Variants in USP6NL observed in about 807,000 individuals in gnomAD.
USP6NL encodes USP6 N-terminal like.
In USP6NL, 26 loss-of-function variants were observed where a neutral mutation model predicts 61.9. That is an observed-to-expected ratio of 0.42 (90% CI 0.31 to 0.58). USP6NL has a LOEUF of 0.58. Ranked by LOEUF, USP6NL falls within the 20% of genes least tolerant of loss-of-function variation. The probability of loss-of-function intolerance (pLI) is 0.16; values close to 1 mark genes in which losing one functional copy is unlikely to be tolerated. For synonymous variants in USP6NL, 432 were observed against 390.1 expected, an observed-to-expected ratio of 1.11 and a Z score of -1.27; for missense variants, 1,114 against 1,034.3, an observed-to-expected ratio of 1.08 and a Z score of -1.06.
intron 13 of USP6NL, among the ~76,000 whole-genome samples, chr10:11,483,181 C>T (rs1014775531): frequency 1.2e-4 from 18 of 152,100 alleles, no homozygotes; most frequent in African/African-American, 3.6e-4. Context: ...CGGAACTTCA[C>T]GTAAGTCTCT....
intron 5 of USP6NL, among the ~76,000 whole-genome samples, chr10:11,515,324 G>C (rs1300280498): frequency 6.6e-6 from 1 of 152,238 alleles, no homozygotes; most frequent in Non-Finnish European, 1.5e-5. Flanking sequence ...GCCTTCTCTT[G>C]TAGAATAAGA....
rs1836971434 is a variant in USP6NL at position 11,562,298 on chromosome 10, C to G, written c.5-34731G>C. 1 of 819,636 alleles carries G rather than the reference C, an allele frequency of 1.2e-6. No homozygotes were observed. Among genetic ancestry groups the G allele is most frequent in the Non-Finnish European group, 1.5e-6 (1 of 678,014 alleles). The allele number at this position is 819,636 out of a possible 1,614,324, so 50.8% of individuals were successfully genotyped here. A position where few individuals can be genotyped will look rare whatever the true frequency, so the allele number is the denominator to read the frequency against. On this transcript the variant is annotated intron_variant, in intron 2 of 14. Transcript: ENST00000609104. This position sits in a 1 kb window ranked among gnomAD's most constrained non-coding sequence, Gnocchi z 4.8. ...AAAAAAATTGCATTCCCAGGACCCC[C>G]CTGCAGCTAGCAGCAGCCATGTGAC...
At chr10:11,541,674 A>G (rs558627916) in intron 2 of USP6NL, among the ~76,000 whole-genome samples, 3 of 152,326 alleles carry the variant, frequency 2.0e-5, no homozygotes, top group African/African-American at 4.8e-5. Context: ...TGTGAGACAG[A>G]GCAACCTCCC....
chr10:11,574,511 T>C lies in USP6NL; in HGVS notation c.4+23120A>G, dbSNP rs572268547. The stretch of plus-strand genomic sequence containing the variant: ...ACAAATGCTGAATTAATATTTAATA[T>C]ATTTGTTATATGTTCTATTTATCCC... On this transcript the variant is annotated intron_variant, in intron 2 of 14. Transcript: ENST00000609104. The surrounding 1 kb of genome is among the most constrained non-coding windows in gnomAD (Gnocchi z 4.3). Among the ~76,000 whole-genome samples, 2 of 152,346 alleles carry C rather than the reference T, an allele frequency of 1.3e-5. No homozygotes were observed. Among genetic ancestry groups the C allele is most frequent in the Admixed American group, 6.5e-5 (1 of 15,304 alleles).
chr10:11,580,854 A>T (rs1837732730), intron 2 of USP6NL, among the ~76,000 whole-genome samples: 1 of 148,966 alleles, frequency 6.7e-6, no homozygotes, highest in Non-Finnish European at 1.5e-5. Context: ...TGGATGAATG[A>T]CGAACGGATA....
Position 11,510,638 on chromosome 10 carries a change from A to AGT in USP6NL, c.196-965_196-964dup, listed in dbSNP as rs34465837. The stretch of plus-strand genomic sequence containing the variant: ...TTTTTCCTAAGTACCTGGGCCCATG[A>AGT]GTAGTAAGTATATGAATAAAAAGCA... On this transcript the variant is annotated intron_variant, in intron 5 of 14. Transcript: ENST00000609104. This position sits in a 1 kb window ranked among gnomAD's most constrained non-coding sequence, Gnocchi z 4.8. Among the ~76,000 whole-genome samples, 36,998 of 152,042 alleles carry AGT rather than the reference A, an allele frequency of 0.24. 5,018 individuals are homozygous for AGT. The highest frequency in any genetic ancestry group is 0.59 in the East Asian group (3,031 of 5,144).
Position 11,595,972 on chromosome 10 carries a change from A to G in USP6NL, c.4+1659T>C, listed in dbSNP as rs1426273888. On this transcript the variant is annotated intron_variant, in intron 2 of 14. Transcript: ENST00000609104. This position sits in a 1 kb window ranked among gnomAD's most constrained non-coding sequence, Gnocchi z 5.3. ...AAAAATGTTATGTGGTTCAAACACT[A>G]TTAGTTGCTTGGCAAGCCATTCCTC... Among the ~76,000 whole-genome samples the G allele has an allele frequency of 6.6e-6, 1 of 152,222 alleles. No homozygotes were observed. Among genetic ancestry groups the G allele is most frequent in the Admixed American group, 6.5e-5 (1 of 15,286 alleles).
intron 2 of USP6NL, among the ~76,000 whole-genome samples, chr10:11,541,230 C>CATATATATATATATAT (rs71378797): frequency 3.2e-4 from 14 of 43,202 alleles, no homozygotes; most frequent in Admixed American, 5.8e-4. Context: ...TCAATAGTGC[C>CATATATATATATATAT]ATATATATAT....
At chr10:11,601,077 T>C (rs1005866955) in intron 1 of USP6NL, among the ~76,000 whole-genome samples, 15 of 152,266 alleles carry the variant, frequency 9.9e-5, no homozygotes, top group African/African-American at 3.6e-4. Context: ...TTCACAGCAA[T>C]GCTATTCATA....
chr10:11,503,241 C>T (rs1022401984), intron 6 of USP6NL, among the ~76,000 whole-genome samples: 2 of 152,016 alleles, frequency 1.3e-5, no homozygotes, highest in Non-Finnish European at 1.5e-5. Context: ...TCAGTGGACC[C>T]GAACAAGTAA....
chr10:11,477,365 G>T (rs1833012718), intron 14 of USP6NL, among the ~76,000 whole-genome samples: 1 of 152,162 alleles, frequency 6.6e-6, no homozygotes, highest in African/African-American at 2.4e-5. Flanking sequence ...AGAACCGTAA[G>T]AGATTGCTTT....
At chr10:11,497,810 C>T (rs1834003670) in intron 7 of USP6NL, among the ~76,000 whole-genome samples, 1 of 152,074 alleles carries the variant, frequency 6.6e-6, no homozygotes, top group African/African-American at 2.4e-5. Flanking sequence ...TCTACAGTTA[C>T]CTTTGAGATT....
At chr10:11,483,791 C>A (rs1448644558) in intron 13 of USP6NL, among the ~76,000 whole-genome samples, 1 of 151,894 alleles carries the variant, frequency 6.6e-6, no homozygotes, top group Non-Finnish European at 1.5e-5. Context: ...GACACATAGT[C>A]AATTGTTTTG....
intron 7 of USP6NL, among the ~76,000 whole-genome samples, chr10:11,500,571 C>T (rs1834140341): frequency 6.6e-6 from 1 of 151,972 alleles, no homozygotes; most frequent in Non-Finnish European, 1.5e-5. Flanking sequence ...AAAATTATTA[C>T]TCAGTCAAAA....
chr10:11,571,177 G>A (rs755771015), intron 2 of USP6NL, among the ~76,000 whole-genome samples: 31 of 151,256 alleles, frequency 2.0e-4, no homozygotes, highest in African/African-American at 2.7e-4. Flanking sequence ...TCTGCCTCCC[G>A]GGTTCAAGCG....
intron 2 of USP6NL, among the ~76,000 whole-genome samples, chr10:11,535,299 T>C (rs949664026): frequency 3.3e-5 from 5 of 152,164 alleles, no homozygotes; most frequent in Non-Finnish European, 5.9e-5. Flanking sequence ...TACCTCAACC[T>C]TTTCCACAGA....
At chr10:11,542,998 G>A (rs1836128328) in intron 2 of USP6NL, among the ~76,000 whole-genome samples, 2 of 151,834 alleles carry the variant, frequency 1.3e-5, no homozygotes, top group South Asian at 4.2e-4. Flanking sequence ...AAATATTTAG[G>A]GATTAGAAAT....
In USP6NL at chr10:11,489,037, G is replaced by A; in HGVS notation, c.664+65C>T. The stretch of plus-strand genomic sequence containing the variant: ...GTATGTAACTCTTGCAAGCATCTTT[G>A]GTTTTGTTTTAATCTACTTTTTTCC... On this transcript the variant is annotated intron_variant, in intron 10 of 14. Transcript: ENST00000609104. This position sits in a 1 kb window ranked among gnomAD's most constrained non-coding sequence, Gnocchi z 5.7. 1 of 1,584,234 alleles carries A rather than the reference G, an allele frequency of 6.3e-7. No individual in the cohort carries two copies.
intron 2 of USP6NL, among the ~76,000 whole-genome samples, chr10:11,538,721 A>G (rs1221811325): frequency 6.6e-6 from 1 of 152,236 alleles, no homozygotes; most frequent in East Asian, 1.9e-4. Context: ...ATTTCAAGAT[A>G]GCATTTAAAT....
Sources: gnomAD v4.1 joint callset for allele counts (sites outside exome capture counted in the v4.1 genomes callset) on GRCh38, gnomAD v4.1.1 for gene constraint, Gnocchi (gnomAD v3.1) non-coding constraint, MANE v1.5 for transcripts, NCBI Gene and HGNC (gene_info 2026-07-23, HGNC 2026-07-21) for gene names.